SPON1: variants seen among roughly 807,000 people sequenced by gnomAD.
SPON1 encodes spondin 1.
SPON1 carries 52 observed loss-of-function variants against 111.7 expected under a neutral mutation model. The observed-to-expected ratio is 0.47, with a 90% confidence interval of 0.37 to 0.59. The LOEUF is 0.59. Ranked by LOEUF, SPON1 falls within the 20% of genes least tolerant of loss-of-function variation. The pLI, the probability that SPON1 is intolerant of heterozygous loss-of-function variation, is 0.00. For synonymous variants in SPON1, 410 were observed against 395.8 expected, an observed-to-expected ratio of 1.04 and a Z score of -0.43; for missense variants, 957 against 1,068.5, an observed-to-expected ratio of 0.90 and a Z score of 1.46.
chr11:14,249,596 G>A lies in SPON1; in HGVS notation c.891-4932G>A, dbSNP rs149471106. ...AGATTATTGAAAACTCAGGATGAGAGACAACACAGCATATGAGTGTTTTAG... is the reference window on the plus strand; with the variant it reads ...AGATTATTGAAAACTCAGGATGAGAAACAACACAGCATATGAGTGTTTTAG... On this transcript the variant is annotated intron_variant, in intron 7 of 15. Coordinates refer to ENST00000576479, the MANE Select transcript of SPON1 (RefSeq NM_006108.4). 2.6e-3 allele frequency among the ~76,000 whole-genome samples: 400 copies of A among 152,350 alleles called. 4 individuals carry two copies. The highest frequency in any genetic ancestry group is 9.1e-3 in the African/African-American group (378 of 41,574).
At chr11:14,219,605 G>A (rs1554937413) in intron 6 of SPON1, among the ~76,000 whole-genome samples, 1 of 152,126 alleles carries the variant, frequency 6.6e-6, no homozygotes, top group East Asian at 1.9e-4. Flanking sequence ...TCATATTGTA[G>A]CCTGCTTGAA....
chr11:14,124,331 C>G (rs1392493344), intron 5 of SPON1, among the ~76,000 whole-genome samples: 17 of 152,232 alleles, frequency 1.1e-4, no homozygotes, highest in African/African-American at 4.1e-4. Context: ...GCCTTCCTAA[C>G]TGCTACTTAT....
At chr11:14,009,086 A>G (rs1323673847) in intron 2 of SPON1, among the ~76,000 whole-genome samples, 1 of 152,188 alleles carries the variant, frequency 6.6e-6, no homozygotes, top group African/African-American at 2.4e-5. Context: ...TGTGATTGGT[A>G]TGTGAGCTCC....
intron 5 of SPON1, among the ~76,000 whole-genome samples, chr11:14,118,237 C>T (rs1463703794): frequency 2.0e-5 from 3 of 152,198 alleles, no homozygotes; most frequent in African/African-American, 4.8e-5. Context: ...TGTAGTGCTA[C>T]AGTTCCTTCC....
chr11:14,059,874 T>C (rs1396893426), intron 3 of SPON1, among the ~76,000 whole-genome samples: 2 of 152,194 alleles, frequency 1.3e-5, no homozygotes, highest in Non-Finnish European at 2.9e-5. Flanking sequence ...CTTCTGCTAA[T>C]TGTGTTGTCA....
At chr11:14,043,455 T>C (rs1350175324) in intron 3 of SPON1, among the ~76,000 whole-genome samples, 1 of 152,192 alleles carries the variant, frequency 6.6e-6, no homozygotes, top group African/African-American at 2.4e-5. Context: ...TCTGTGTCAA[T>C]TGCTGGGGCC....
At chr11:14,110,176 A>T (rs1413387855) in intron 5 of SPON1, among the ~76,000 whole-genome samples, 1 of 152,184 alleles carries the variant, frequency 6.6e-6, no homozygotes, top group Non-Finnish European at 1.5e-5. Flanking sequence ...CCAGGAGAGA[A>T]TAAGAGGAAA....
intron 1 of SPON1, among the ~76,000 whole-genome samples, chr11:13,976,021 G>A (rs1487748550): frequency 1.3e-5 from 2 of 152,030 alleles, no homozygotes; most frequent in African/African-American, 4.8e-5. Flanking sequence ...ACATGTTCCA[G>A]GCACTGGGAT....
At chr11:14,174,610 C>T (rs540290617) in intron 6 of SPON1, among the ~76,000 whole-genome samples, 82 of 150,378 alleles carry the variant, frequency 5.5e-4, no homozygotes, top group Admixed American at 2.4e-3. Context: ...CCGAGGCTAC[C>T]GGAAGTTATC....
chr11:14,176,101 G>A (rs1848171918), intron 6 of SPON1, among the ~76,000 whole-genome samples: 3 of 152,050 alleles, frequency 2.0e-5, no homozygotes, highest in African/African-American at 7.2e-5. Flanking sequence ...AGAGCAGACA[G>A]GCACTCCGAG....
chr11:14,111,479 A>G (rs1335315997), intron 5 of SPON1, among the ~76,000 whole-genome samples: 3 of 152,196 alleles, frequency 2.0e-5, no homozygotes, highest in African/African-American at 4.8e-5. Context: ...GAATATTTCA[A>G]TTACTTAAAA....
At chr11:14,001,980 GGAA>G (rs1848322577) in intron 2 of SPON1, among the ~76,000 whole-genome samples, 1 of 152,112 alleles carries the variant, frequency 6.6e-6, no homozygotes, top group Non-Finnish European at 1.5e-5. Flanking sequence ...ATCAGAGGAG[GGAA>G]GAAGAGTTGA....
intron 6 of SPON1, among the ~76,000 whole-genome samples, chr11:14,172,124 T>C (rs1231496217): frequency 6.6e-6 from 1 of 151,070 alleles, no homozygotes; most frequent in Non-Finnish European, 1.5e-5. Flanking sequence ...TGTGTGGGAG[T>C]CTAAGTCTCT....
chr11:14,079,831 A>C, intron 4 of SPON1, 68 bp from the exon 5 acceptor site: 1 of 1,573,492 alleles, frequency 6.4e-7, no homozygotes, highest in Non-Finnish European at 8.7e-7. Context: ...AAATGAGACC[A>C]TGATAGCACC....
At chr11:14,183,424 CGTAA>C (rs1848255014) in intron 6 of SPON1, among the ~76,000 whole-genome samples, 1 of 152,102 alleles carries the variant, frequency 6.6e-6, no homozygotes. Context: ...TCACTTGAAC[CGTAA>C]GTATTGCTAG....
chr11:14,258,525 T>C (rs782587543), intron 11 of SPON1, among the ~76,000 whole-genome samples: 4 of 152,230 alleles, frequency 2.6e-5, no homozygotes, highest in Admixed American at 6.5e-5. Flanking sequence ...CTGATAGATC[T>C]ACGCTATTCT....
At chr11:14,100,890 C>A (rs1849138162) in intron 5 of SPON1, among the ~76,000 whole-genome samples, 1 of 152,134 alleles carries the variant, frequency 6.6e-6, no homozygotes, top group African/African-American at 2.4e-5. Flanking sequence ...CATTCAGAAA[C>A]ACTTTGTTTT....
intron 6 of SPON1, among the ~76,000 whole-genome samples, chr11:14,232,805 G>A (rs1026232176): frequency 1.3e-5 from 2 of 152,130 alleles, no homozygotes; most frequent in African/African-American, 2.4e-5. Flanking sequence ...TGCTGGTTCC[G>A]CTAATTCACC....
chr11:14,173,375 A>T (rs1449042173), intron 6 of SPON1, among the ~76,000 whole-genome samples: 1 of 151,956 alleles, frequency 6.6e-6, no homozygotes, highest in Non-Finnish European at 1.5e-5. Flanking sequence ...TCCATTGGTT[A>T]TTCTAGTTAG....
Sources: gnomAD v4.1 joint callset for allele counts (sites outside exome capture counted in the v4.1 genomes callset) on GRCh38, gnomAD v4.1.1 for gene constraint, MANE v1.5 for transcripts, NCBI Gene and HGNC (gene_info 2026-07-23, HGNC 2026-07-21) for gene names.